Variants in FAM222A observed in about 807,000 individuals in gnomAD.
FAM222A encodes the protein protein FAM222A.
In FAM222A, 7 loss-of-function variants were observed where a neutral mutation model predicts 25.8. The ratio of observed to expected loss-of-function variants is 0.27; its 90% confidence interval spans 0.15 to 0.51. The LOEUF (loss-of-function observed/expected upper bound fraction) is 0.51. Among genes scored for constraint, FAM222A ranks in the 20% least tolerant of loss-of-function variants. The pLI is 0.97. For missense variants in FAM222A, 573 were observed against 640.5 expected (o/e 0.89, Z 1.14); for synonymous variants, 294 against 298.8 (o/e 0.98, Z 0.17).
At chr12:109,753,103 C>T (rs959234527) in intron 2 of FAM222A, among the ~76,000 whole-genome samples, 2 of 152,326 alleles carry the variant, frequency 1.3e-5, no homozygotes, top group South Asian at 2.1e-4. Flanking sequence ...TTGAGTCACA[C>T]GCTGCTGAAA....
intron 1 of FAM222A, chr12:109,720,318 C>G (rs1169430040): frequency 2.1e-6 from 1 of 485,534 alleles, no homozygotes; most frequent in Non-Finnish European, 2.7e-6. Context: ...ACTTAATGAC[C>G]CAGAGTCTGT....
At chr12:109,726,405 C>T (rs775347114) in intron 1 of FAM222A, among the ~76,000 whole-genome samples, 1 of 152,214 alleles carries the variant, frequency 6.6e-6, no homozygotes, top group Non-Finnish European at 1.5e-5. Flanking sequence ...TGAGCTGCCC[C>T]TCTTAGCAGA....
intron 2 of FAM222A, among the ~76,000 whole-genome samples, chr12:109,763,912 C>T (rs1024391811): frequency 6.6e-6 from 1 of 152,022 alleles, no homozygotes. Flanking sequence ...GGCCTCCAAA[C>T]GAGAGTCATC....
chr12:109,717,961 G>A (rs775593853), intron 1 of FAM222A, among the ~76,000 whole-genome samples: 2 of 152,202 alleles, frequency 1.3e-5, no homozygotes, highest in Non-Finnish European at 2.9e-5. Context: ...AGGCTCTGGC[G>A]TGGGTTGGGC....
At chr12:109,723,786 G>A (rs971284884) in intron 1 of FAM222A, among the ~76,000 whole-genome samples, 2 of 152,192 alleles carry the variant, frequency 1.3e-5, no homozygotes, top group Non-Finnish European at 2.9e-5. Context: ...ATCTTGTCCC[G>A]CCCTGTCCCA....
intron 2 of FAM222A, chr12:109,744,730 G>A: frequency 4.1e-6 from 4 of 985,342 alleles, no homozygotes; most frequent in East Asian, 1.1e-4. Flanking sequence ...GATCTGAAAC[G>A]CTCTGATTTG....
intron 2 of FAM222A, chr12:109,744,456 C>T (rs1888336491): frequency 1.0e-6 from 1 of 985,478 alleles, no homozygotes; most frequent in South Asian, 4.7e-5. Flanking sequence ...GGCTTGACCT[C>T]CTTCCCAGCA....
chr12:109,735,539 G>A (rs1370778957), intron 1 of FAM222A: 1 of 152,192 alleles, frequency 6.6e-6, no homozygotes, highest in African/African-American at 2.4e-5. Flanking sequence ...GGGAATAGGT[G>A]GGAGGAAGGC....
intron 1 of FAM222A, among the ~76,000 whole-genome samples, chr12:109,718,103 C>A (rs1258329987): frequency 6.6e-6 from 1 of 152,218 alleles, no homozygotes; most frequent in Non-Finnish European, 1.5e-5. Flanking sequence ...GGTGAGGATT[C>A]AGGGAGGGCC....
chr12:109,738,937 G>A (rs1347953221), intron 1 of FAM222A, among the ~76,000 whole-genome samples: 1 of 152,196 alleles, frequency 6.6e-6, no homozygotes, highest in Non-Finnish European at 1.5e-5. Flanking sequence ...CCAGTGCCTG[G>A]CCCCTGCCTG....
At chr12:109,734,329 G>A (rs1225916675) in intron 1 of FAM222A, 5 of 152,446 alleles carry the variant, frequency 3.3e-5, no homozygotes, top group South Asian at 2.1e-4. Flanking sequence ...GCAGGGGGGC[G>A]ATGGGGCACA....
rs907113822 is a variant in FAM222A, at chr12:109,769,366, C to T, written c.*78C>T. 5 of 1,461,800 alleles carry T rather than the reference C, an allele frequency of 3.4e-6. No homozygotes were observed. The highest frequency in any genetic ancestry group is 2.2e-5 in the Admixed American group (1 of 45,122). The allele number at this position is 1,461,800 out of a possible 1,614,324, so 90.6% of individuals were successfully genotyped here. ...AGGCCGCAGAACAGGGTGGGCGGCT[C>T]GCAGGGGCGCTCAGCCCCACCCTGT... On this transcript the variant is annotated 3_prime_UTR_variant, in exon 3 of 3. Coordinates refer to ENST00000538780, the MANE Select transcript of FAM222A (RefSeq NM_032829.3).
chr12:109,768,787 G>T lies in FAM222A; in HGVS notation c.858G>T (p.Leu286=), dbSNP rs750782496. 2.5e-6 allele frequency: 4 copies of T among 1,577,410 alleles called. No homozygotes were observed. Among genetic ancestry groups the T allele is most frequent in the Non-Finnish European group, 3.4e-6 (4 of 1,167,480 alleles). Residue 286 remains leucine, a synonymous_variant, in exon 3 of 3, where the codon CTG becomes CTT. Coordinates refer to ENST00000538780, the MANE Select transcript of FAM222A (RefSeq NM_032829.3). ...AGYADSGLDY[L]LWPQKPPPPP... ...ACGCAGACAGCGGCCTGGATTACCTGCTGTGGCCGCAGAAACCGCCCCCAC... is the reference window on the plus strand; with the variant it reads ...ACGCAGACAGCGGCCTGGATTACCTTCTGTGGCCGCAGAAACCGCCCCCAC...
chr12:109,726,725 G>A (rs1744715884), intron 1 of FAM222A, among the ~76,000 whole-genome samples: 1 of 152,198 alleles, frequency 6.6e-6, no homozygotes, highest in Non-Finnish European at 1.5e-5. Flanking sequence ...CTAGAAGCAG[G>A]TGCTGTTCCC....
chr12:109,765,943 C>T (rs1440781370), intron 2 of FAM222A, among the ~76,000 whole-genome samples: 1 of 152,220 alleles, frequency 6.6e-6, no homozygotes, highest in Non-Finnish European at 1.5e-5. Flanking sequence ...CCGTCAAACC[C>T]TCCCAGCCAT....
In FAM222A at chr12:109,761,199, GAAT is replaced by G. The variant is rs1283752511; in HGVS notation, c.83-6812_83-6810del. Among the ~76,000 whole-genome samples the G allele has an allele frequency of 1.1e-4, 17 of 152,316 alleles. No homozygotes were observed. The East Asian group carries it at 3.1e-3, about 28-fold the overall frequency. On this transcript the variant is annotated intron_variant, in intron 2 of 2. Transcript: ENST00000538780. Reference sequence around the variant, plus strand: ...ACCAGATCTGTGGCTCAGAGTCCACGAATTCCACCTGCAGCCCCACCCCCAGAT... The same window carrying G: ...ACCAGATCTGTGGCTCAGAGTCCACGTCCACCTGCAGCCCCACCCCCAGAT...
chr12:109,768,757 AG>A lies in FAM222A; in HGVS notation c.831del (p.Tyr278ThrfsTer64), dbSNP rs751665127. On this transcript the variant is annotated frameshift_variant, in exon 3 of 3. Coordinates refer to ENST00000538780, the MANE Select transcript of FAM222A (RefSeq NM_032829.3). LOFTEE classifies it high-confidence loss of function. ...LTLAGAAKPA[G>X]YADSGLDYLL... The stretch of plus-strand genomic sequence containing the variant: ...CGTTGGCTGGGGCCGCCAAGCCTGC[AG>A]GGTACGCAGACAGCGGCCTGGATTA... The A allele has an allele frequency of 2.8e-5, 45 of 1,581,788 alleles. No homozygotes were observed. In the East Asian group the frequency reaches 9.8e-4, roughly 34 times the overall value.
In FAM222A at chr12:109,744,056, C is replaced by T. The variant is rs979539518; in HGVS notation, c.-46-45C>T. ...CGGGGGGAATGGTGGGAGGCGAACA[C>T]GGAGCAGCCCCCAAGTGACAGAGCA... On this transcript the variant is annotated intron_variant, in intron 1 of 2. Coordinates refer to ENST00000538780, the MANE Select transcript of FAM222A (RefSeq NM_032829.3). 7 of 1,514,426 alleles carry T rather than the reference C, an allele frequency of 4.6e-6. No individual in the cohort carries two copies. In the African/African-American group the frequency reaches 5.5e-5, roughly 12 times the overall value. 93.8% of individuals were successfully genotyped at this position (1,514,426 alleles called of 1,614,324 possible).
chr12:109,752,526 G>A (rs574367967), intron 2 of FAM222A, among the ~76,000 whole-genome samples: 1 of 152,338 alleles, frequency 6.6e-6, no homozygotes, highest in South Asian at 2.1e-4. Flanking sequence ...TTTGTGACCA[G>A]ACCTGGGGCC....
Sources: allele counts gnomAD v4.1 joint callset (sites outside exome capture counted in the v4.1 genomes callset), GRCh38; gene constraint gnomAD v4.1.1; transcripts MANE v1.5; gene names NCBI Gene and HGNC (gene_info 2026-07-23, HGNC 2026-07-21).